The following OPRM1 variants were observed in gnomAD, a reference collection of about 807,000 sequenced individuals.
OPRM1 encodes mu-type opioid receptor.
A neutral mutation model predicts 31.8 loss-of-function variants in OPRM1; 27 were observed. The observed-to-expected ratio is 0.85, with a 90% confidence interval of 0.63 to 1.17. OPRM1 has a LOEUF of 1.17. OPRM1 is among the 50% of genes most tolerant of loss of function. The pLI, the probability that OPRM1 is intolerant of heterozygous loss-of-function variation, is 0.00. For synonymous variants in OPRM1, 196 were observed against 189.9 expected (o/e 1.03, Z -0.26); for missense variants, 536 against 511.1 (o/e 1.05, Z -0.47).
At chr6:154,193,817 A>C (rs1419034100) in intron 3 of OPRM1, among the ~76,000 whole-genome samples, 4 of 152,254 alleles carry the variant, frequency 2.6e-5, no homozygotes, top group African/African-American at 9.6e-5. Flanking sequence ...CCCCAGCATC[A>C]AACATGACAA....
chr6:154,219,314 T>C (rs900532184), intron 3 of OPRM1: 1 of 152,308 alleles, frequency 6.6e-6, no homozygotes, highest in African/African-American at 2.4e-5. Context: ...CACTCACCTC[T>C]TGCTGGAGAG....
In OPRM1 at chr6:154,196,157, A is replaced by C. The variant is rs552738852; in HGVS notation, c.1165-50536A>C. On this transcript the variant is annotated intron_variant, in intron 3 of 3. Transcript: ENST00000337049. ...GCACATGTATGTTAGGTACTCAAAA[A>C]AATGATATATACACAATATAATAAT... Among the ~76,000 whole-genome samples, 26 of 152,298 alleles carry C rather than the reference A, an allele frequency of 1.7e-4. 1 individual carries two copies. Among genetic ancestry groups the C allele is most frequent in the South Asian group, 6.2e-4 (3 of 4,824 alleles).
chr6:154,173,118 A>G (rs1800011885), intron 3 of OPRM1, among the ~76,000 whole-genome samples: 1 of 152,222 alleles, frequency 6.6e-6, no homozygotes, highest in South Asian at 2.1e-4. Context: ...AAGAAATAGC[A>G]TCAACATCAA....
At chr6:154,196,760 A>G (rs1250934435) in intron 3 of OPRM1, among the ~76,000 whole-genome samples, 1 of 152,222 alleles carries the variant, frequency 6.6e-6, no homozygotes, top group Non-Finnish European at 1.5e-5. Flanking sequence ...CTTTGTGAAA[A>G]TAATCAGTGA....
At position 154,075,452 on chromosome 6, in the gene OPRM1, CTTTT is replaced by C. The variant is rs113939480; in HGVS notation, c.291-14360_291-14357del. 9.4e-3 allele frequency among the ~76,000 whole-genome samples: 1,308 copies of C among 139,828 alleles called. 18 individuals are homozygous for C. The highest frequency in any genetic ancestry group is 0.032 in the African/African-American group (1,236 of 38,486). The allele number at this position is 139,828 out of a possible 152,430, so 91.7% of individuals were successfully genotyped here. On this transcript the variant is annotated intron_variant, in intron 1 of 3. Transcript: ENST00000330432. ...TTTATATAACCAACTAAAATAAGCA[CTTTT>C]TTTTTTTTTTTTTCCAGACGGAATT...
Position 154,011,139 on chromosome 6 carries a change from T to C in OPRM1, c.-1+121T>C, listed in dbSNP as rs942298184. On this transcript the variant is annotated intron_variant, in intron 1 of 5. Transcript: ENST00000434900. ...TGCTATACATTCTACCTTGTCCCTG[T>C]GATGTAAGAGCAGGAAATAAGGAAT... 5 of 917,970 alleles carry C rather than the reference T, an allele frequency of 5.4e-6. No homozygotes were observed. The Admixed American group carries it at 1.2e-4, about 21-fold the overall frequency. 56.9% of individuals were successfully genotyped at this position (917,970 alleles called of 1,614,324 possible). A position where few individuals can be genotyped will look rare whatever the true frequency, so the allele number is the denominator to read the frequency against.
At chr6:154,107,737 G>A in intron 3 of OPRM1, 1 of 718,412 alleles carries the variant, frequency 1.4e-6, no homozygotes, top group Non-Finnish European at 2.6e-6. Flanking sequence ...CAGTTTTTTT[G>A]TTGGTTTCAG....
chr6:154,218,525 T>A (rs1473199940), intron 3 of OPRM1, among the ~76,000 whole-genome samples: 1 of 151,974 alleles, frequency 6.6e-6, no homozygotes, highest in Non-Finnish European at 1.5e-5. Flanking sequence ...ACCCACTCCC[T>A]CCCCCACACC....
downstream of OPRM1, among the ~76,000 whole-genome samples, chr6:154,133,835 GCTA>G: frequency 6.6e-6 from 1 of 152,250 alleles, no homozygotes; most frequent in Admixed American, 6.5e-5. Context: ...AAGACTGACT[GCTA>G]TTCTTGACCC....
Position 154,091,308 on chromosome 6 carries a change from A to G in OPRM1, c.1000A>G (p.Asn334Asp), listed in dbSNP as rs753872489. Residue 334 changes from asparagine to aspartate, a missense_variant, in exon 3 of 4, where the codon AAC (asparagine) becomes GAC (aspartate). Transcript: ENST00000330432. ...TCTAGGTTACACAAACAGCTGCCTC[A>G]ACCCAGTCCTTTATGCATTTCTGGA... is the stretch of plus-strand genomic sequence containing the variant. ...IALGYTNSCL[N>D]PVLYAFLDEN... 1 of 1,614,210 alleles carries G rather than the reference A, an allele frequency of 6.2e-7. No homozygotes were observed. Among genetic ancestry groups the G allele is most frequent in the Non-Finnish European group, 8.5e-7 (1 of 1,180,044 alleles).
chr6:154,210,607 A>G (rs777739411), intron 3 of OPRM1, among the ~76,000 whole-genome samples: 8 of 152,238 alleles, frequency 5.3e-5, no homozygotes, highest in Non-Finnish European at 8.8e-5. Flanking sequence ...AGGTCTGAAG[A>G]TATCATTAAG....
At chr6:154,144,281 G>T (rs1343478648) in intron 3 of OPRM1, among the ~76,000 whole-genome samples, 1 of 152,116 alleles carries the variant, frequency 6.6e-6, no homozygotes. Flanking sequence ...ATCTCTTTGA[G>T]AAAATTGAAG....
At chr6:154,235,420 T>A (rs1392362070) in intron 3 of OPRM1, among the ~76,000 whole-genome samples, 1 of 150,226 alleles carries the variant, frequency 6.7e-6, no homozygotes, top group Non-Finnish European at 1.5e-5. Flanking sequence ...TAGTCCCAGC[T>A]ACTCGAGAGG....
intron 1 of OPRM1, among the ~76,000 whole-genome samples, chr6:154,012,665 T>C (rs1214298017): frequency 2.0e-5 from 3 of 152,162 alleles, no homozygotes; most frequent in African/African-American, 7.2e-5. Context: ...ATAGGGTCTA[T>C]GACATGTTTT....
intron 3 of OPRM1, chr6:154,223,318 G>T: frequency 9.0e-7 from 1 of 1,106,538 alleles, no homozygotes; most frequent in Non-Finnish European, 1.3e-6. Flanking sequence ...TCATATACAT[G>T]GAATAGGGAT....
chr6:154,204,961 A>C (rs1249561890), intron 3 of OPRM1, among the ~76,000 whole-genome samples: 1 of 152,034 alleles, frequency 6.6e-6, no homozygotes, highest in Non-Finnish European at 1.5e-5. Context: ...CTGTCCCATC[A>C]CCACATCTCT....
chr6:154,206,855 G>A (rs528228890), intron 3 of OPRM1, among the ~76,000 whole-genome samples: 93 of 152,370 alleles, frequency 6.1e-4, no homozygotes, highest in African/African-American at 2.2e-3. Context: ...ACAGCAGGCC[G>A]TTTGTTGGGC....
intron 3 of OPRM1, chr6:154,157,125 A>G (rs1798748656): frequency 6.6e-6 from 1 of 152,208 alleles, no homozygotes; most frequent in South Asian, 2.1e-4. Flanking sequence ...TTTTCCCAAT[A>G]TTCTTTGGAC....
rs115168996 is a variant in OPRM1 at position 154,110,263 on chromosome 6, G to A, written c.1165-8420G>A. Reference sequence around the variant, plus strand: ...ACAAGAAAAAAATCTATGTACCTTTGGGGTATAAATCATTGAATTAAACTA... The same window carrying A: ...ACAAGAAAAAAATCTATGTACCTTTAGGGTATAAATCATTGAATTAAACTA... On this transcript the variant is annotated intron_variant, in intron 3 of 3. Transcript: ENST00000330432. 6.2e-4 allele frequency: 403 copies of A among 649,064 alleles called. 3 individuals are homozygous for A. The African/African-American group carries it at 7.0e-3, about 11-fold the overall frequency. The allele number at this position is 649,064 out of a possible 1,614,324, so 40.2% of individuals were successfully genotyped here.
Sources: gnomAD v4.1 joint callset for allele counts (sites outside exome capture counted in the v4.1 genomes callset) on GRCh38, gnomAD v4.1.1 for gene constraint, MANE v1.5 for transcripts, NCBI Gene and HGNC (gene_info 2026-07-23, HGNC 2026-07-21) for gene names.